LDLRAP1: variants seen among roughly 807,000 people sequenced by gnomAD.
LDLRAP1 encodes low density lipoprotein receptor adapter protein 1.
LDLRAP1 carries 30 observed loss-of-function variants against 37.8 expected under a neutral mutation model. That is an observed-to-expected ratio of 0.79 (90% CI 0.59 to 1.08). The LOEUF (loss-of-function observed/expected upper bound fraction) is 1.08. Among genes scored for constraint, LDLRAP1 ranks in the 50% least tolerant of loss-of-function variants. LDLRAP1 has a pLI of 0.00. For synonymous variants in LDLRAP1, 156 were observed against 169.8 expected (o/e 0.92, Z 0.63); for missense variants, 375 against 401.6 (o/e 0.93, Z 0.57).
At chr1:25,545,877 T>C (rs1225060244) in intron 1 of LDLRAP1, among the ~76,000 whole-genome samples, 1 of 152,242 alleles carries the variant, frequency 6.6e-6, no homozygotes, top group Non-Finnish European at 1.5e-5. Context: ...TTTTACAACC[T>C]GTTTTTGCTT....
downstream of LDLRAP1, among the ~76,000 whole-genome samples, chr1:25,569,653 T>C (rs1195920449): frequency 6.6e-6 from 1 of 152,232 alleles, no homozygotes; most frequent in African/African-American, 2.4e-5. Context: ...GAACTCAATA[T>C]GTCTAAAAAT....
downstream of LDLRAP1, among the ~76,000 whole-genome samples, chr1:25,569,750 G>T (rs769452426): frequency 5.9e-5 from 9 of 152,224 alleles, no homozygotes; most frequent in Admixed American, 5.9e-4. Flanking sequence ...ATATTGCAAC[G>T]GTTGTGCTGA....
chr1:25,574,436 G>A, the LDLRAP1 span, among the ~76,000 whole-genome samples: 9 of 152,254 alleles, frequency 5.9e-5, no homozygotes, highest in South Asian at 1.9e-3. Context: ...CGGGCAGATG[G>A]AAGGTTGAAA....
rs2044192655 is a variant in LDLRAP1 at position 25,556,133 on chromosome 1, CTG to C, written c.345-1017_345-1016del. Among the ~76,000 whole-genome samples, 3 of 152,164 alleles carry C rather than the reference CTG, an allele frequency of 2.0e-5. No individual in the cohort carries two copies. In the South Asian group the frequency reaches 6.2e-4, roughly 32 times the overall value. On this transcript the variant is annotated intron_variant, in intron 3 of 8. Coordinates refer to ENST00000374338, the MANE Select transcript of LDLRAP1 (RefSeq NM_015627.3). ...GCTCTGCCCACCGGGGTGTTGATGC[CTG>C]TGATTGAAGCTGGGGCCACATGGTT...
In LDLRAP1 at chr1:25,553,940, C is replaced by T. The variant is rs745797553; in HGVS notation, c.107C>T (p.Thr36Ile). 13 of 1,613,802 alleles carry T rather than the reference C, an allele frequency of 8.1e-6. No homozygotes were observed. In the East Asian group the frequency reaches 2.7e-4, roughly 33 times the overall value. Residue 36 changes from threonine to isoleucine, a missense_variant, in exon 2 of 9, where the codon ACA becomes ATA. By Grantham distance (89) the Thr-to-Ile change is moderately conservative. Transcript: ENST00000374338. ...GRHRKLPENW[T>I]DTRETLLEGM... Reference sequence around the variant, plus strand: ...ACCCCAGAGCTGCCTGAGAACTGGACAGACACGCGGGAGACGCTGCTGGAG... The same window carrying T: ...ACCCCAGAGCTGCCTGAGAACTGGATAGACACGCGGGAGACGCTGCTGGAG...
At chr1:25,583,081 C>A in the LDLRAP1 span, among the ~76,000 whole-genome samples, 4 of 150,740 alleles carry the variant, frequency 2.7e-5, no homozygotes, top group South Asian at 2.1e-4. Context: ...AAAAAAAAAA[C>A]AAAAATTCCA....
chr1:25,545,066 C>T (rs539548836), intron 1 of LDLRAP1, among the ~76,000 whole-genome samples: 1 of 152,344 alleles, frequency 6.6e-6, no homozygotes, highest in African/African-American at 2.4e-5. Context: ...GGTCAGAGAC[C>T]CATTAGGGCT....
chr1:25,589,415 G>A, the LDLRAP1 span, among the ~76,000 whole-genome samples: 1 of 152,168 alleles, frequency 6.6e-6, no homozygotes, highest in African/African-American at 2.4e-5. Flanking sequence ...CTTGACTGGG[G>A]TAAGGGATGC....
downstream of LDLRAP1, among the ~76,000 whole-genome samples, chr1:25,570,858 CAAAATA>C (rs1009140167): frequency 1.2e-4 from 19 of 152,174 alleles, no homozygotes; most frequent in African/African-American, 2.2e-4. Flanking sequence ...GACTCCTTCT[CAAAATA>C]AAAATAAAAA....
At chr1:25,557,386 G>C (rs1031372720) in intron 4 of LDLRAP1, 119 bp downstream of exon 4, 1 of 791,952 alleles carries the variant, frequency 1.3e-6, no homozygotes. Context: ...TAAGAAGAGG[G>C]TGAAATCTCT....
At position 25,554,961 on chromosome 1, in the gene LDLRAP1, G is replaced by A. The variant is rs772356963; in HGVS notation, c.333G>A (p.Val111=). ...DNLTNQLIEN[V]SIYRISYCTA... ...TCACCAACCAGCTCATTGAGAACGT[G>A]TCCATATACAGGTACGCTCAGCATG... Residue 111 remains valine (V), a synonymous_variant, in exon 3 of 9, where the codon GTG becomes GTA. Coordinates refer to ENST00000374338, the MANE Select transcript of LDLRAP1 (RefSeq NM_015627.3). The surrounding 1 kb of genome is among the most constrained non-coding windows in gnomAD (Gnocchi z 5.4). The A allele has an allele frequency of 1.9e-6, 3 of 1,613,650 alleles. No individual in the cohort carries two copies. The highest frequency in any genetic ancestry group is 2.5e-6 in the Non-Finnish European group (3 of 1,179,530).
At chr1:25,557,132 T>C (rs2044220306) in intron 3 of LDLRAP1, 21 bp from the exon 4 acceptor site, 1 of 1,590,160 alleles carries the variant, frequency 6.3e-7, no homozygotes, top group Non-Finnish European at 8.6e-7. Flanking sequence ...GGTCTGGTGA[T>C]GCTTCCTCCT....
intron 1 of LDLRAP1, 92 bp from the exon 2 acceptor site, chr1:25,553,830 T>C: frequency 6.9e-7 from 1 of 1,446,676 alleles, no homozygotes; most frequent in Non-Finnish European, 9.4e-7. Flanking sequence ...TCCCCCTTGC[T>C]GGGGTTTCCT....
At chr1:25,579,310 C>T in the LDLRAP1 span, among the ~76,000 whole-genome samples, 7 of 152,154 alleles carry the variant, frequency 4.6e-5, no homozygotes, top group Non-Finnish European at 7.3e-5. Context: ...CCTCCACGTG[C>T]GCAGCTTTCT....
intron 1 of LDLRAP1, among the ~76,000 whole-genome samples, chr1:25,549,417 G>A (rs2044016546): frequency 6.6e-6 from 1 of 152,200 alleles, no homozygotes; most frequent in African/African-American, 2.4e-5. Context: ...AGGGTCTCTG[G>A]GAGCAGCAGA....
intron 4 of LDLRAP1, among the ~76,000 whole-genome samples, chr1:25,558,129 C>T (rs1245484433): frequency 6.6e-6 from 1 of 152,126 alleles, no homozygotes; most frequent in East Asian, 1.9e-4. Flanking sequence ...GTGGGTCAAC[C>T]TTTGGCATTG....
chr1:25,582,533 C>T, the LDLRAP1 span, among the ~76,000 whole-genome samples: 9 of 150,382 alleles, frequency 6.0e-5, no homozygotes, highest in Non-Finnish European at 8.9e-5. Context: ...TGCAGTGATC[C>T]GAGATCGTGC....
chr1:25,561,145 T>C (rs752027833), intron 4 of LDLRAP1, among the ~76,000 whole-genome samples: 1 of 152,250 alleles, frequency 6.6e-6, no homozygotes, highest in East Asian at 1.9e-4. Flanking sequence ...CAGCCCTTGC[T>C]TGGGTGGATA....
chr1:25,548,335 CTTT>C (rs144789866), intron 1 of LDLRAP1, among the ~76,000 whole-genome samples: 2,827 of 81,994 alleles, frequency 0.034, 81 homozygotes, highest in African/African-American at 0.094. Flanking sequence ...GATGGATACT[CTTT>C]TTTTTTTTTT....
Sources: gnomAD v4.1 joint callset for allele counts (sites outside exome capture counted in the v4.1 genomes callset) on GRCh38, gnomAD v4.1.1 for gene constraint, Gnocchi (gnomAD v3.1) non-coding constraint, MANE v1.5 for transcripts, NCBI Gene and HGNC (gene_info 2026-07-23, HGNC 2026-07-21) for gene names.